Variants in SCN7A observed in about 807,000 individuals in gnomAD.
The protein encoded by SCN7A is sodium voltage-gated channel alpha subunit 7.
A neutral mutation model predicts 155.2 loss-of-function variants in SCN7A; 138 were observed. The ratio of observed to expected loss-of-function variants is 0.89; its 90% confidence interval spans 0.77 to 1.02. The LOEUF is 1.02. Ranked by LOEUF, SCN7A falls within the 50% of genes least tolerant of loss-of-function variation. The pLI is 0.00. For synonymous variants in SCN7A, 693 were observed against 649.0 expected, an observed-to-expected ratio of 1.07 and a Z score of -1.03; for missense variants, 2,058 against 1,986.6, an observed-to-expected ratio of 1.04 and a Z score of -0.68.
At chr2:166,407,192 T>A (rs1701095254) in intron 25 of SCN7A, among the ~76,000 whole-genome samples, 1 of 152,010 alleles carries the variant, frequency 6.6e-6, no homozygotes, top group African/African-American at 2.4e-5. Context: ...GTAATTTAAT[T>A]TCCTTATTTC....
intron 20 of SCN7A, among the ~76,000 whole-genome samples, chr2:166,418,482 C>T (rs558521683): frequency 3.8e-4 from 57 of 151,540 alleles, no homozygotes; most frequent in Non-Finnish European, 2.1e-4. Flanking sequence ...CTTTCACTTT[C>T]TTCCTGAGGC....
intron 2 of SCN7A, among the ~76,000 whole-genome samples, chr2:166,486,525 G>C (rs1464611677): frequency 6.6e-6 from 1 of 152,264 alleles, no homozygotes; most frequent in East Asian, 1.9e-4. Flanking sequence ...CTGGTACTGA[G>C]AGCTATAGAT....
At chr2:166,480,662 G>A (rs1037522422) in intron 2 of SCN7A, among the ~76,000 whole-genome samples, 1 of 152,046 alleles carries the variant, frequency 6.6e-6, no homozygotes, top group African/African-American at 2.4e-5. Flanking sequence ...TTAGACTTTT[G>A]TTTCCTGCCT....
rs76636889 is a variant in SCN7A at position 166,486,474 on chromosome 2, C to T, written c.-15+382G>A. ...CAGTTCCCAAGTCCTGGAGCTTCTA[C>T]GAGTACAGAGAAGATGAGAGGATGA... On this transcript the variant is annotated intron_variant, in intron 2 of 25. Coordinates refer to ENST00000643258, the MANE Select transcript of SCN7A (RefSeq NM_002976.4). Among the ~76,000 whole-genome samples, 315 of 152,246 alleles carry T rather than the reference C, an allele frequency of 2.1e-3. 1 individual carries two copies. The highest frequency in any genetic ancestry group is 7.0e-3 in the African/African-American group (289 of 41,540).
intron 21 of SCN7A, among the ~76,000 whole-genome samples, chr2:166,416,263 A>T (rs2105379452): frequency 6.6e-6 from 1 of 152,138 alleles, no homozygotes; most frequent in East Asian, 1.9e-4. Flanking sequence ...AGGAGTTCTG[A>T]TTTTGCCCTT....
chr2:166,426,170 C>A (rs1408457752), intron 18 of SCN7A, among the ~76,000 whole-genome samples: 1 of 152,032 alleles, frequency 6.6e-6, no homozygotes, highest in East Asian at 1.9e-4. Context: ...GAATATTGAT[C>A]CAAAGACGCA....
intron 14 of SCN7A, among the ~76,000 whole-genome samples, chr2:166,442,876 G>C (rs1269414698): frequency 1.3e-5 from 2 of 152,156 alleles, no homozygotes; most frequent in African/African-American, 4.8e-5. Context: ...GATTCTGAAT[G>C]AGCTGCCCTC....
At chr2:166,423,990 C>T (rs1193528572) in intron 18 of SCN7A, among the ~76,000 whole-genome samples, 2 of 152,038 alleles carry the variant, frequency 1.3e-5, no homozygotes, top group Non-Finnish European at 2.9e-5. Flanking sequence ...TATGTAAAGT[C>T]TAATCATGTC....
In SCN7A at chr2:166,417,134, G is replaced by A. The variant is rs1030141269; in HGVS notation, c.3136-149C>T. On this transcript the variant is annotated intron_variant, in intron 20 of 25. Transcript: ENST00000643258. ...CTAAAGATTTAACAGCCCACATGCT[G>A]GTACTGGAATAACCTAAATAGCAAT... 7 of 626,468 alleles carry A rather than the reference G, an allele frequency of 1.1e-5. No individual in the cohort carries two copies. In the African/African-American group the frequency reaches 1.3e-4, roughly 12 times the overall value. 38.8% of individuals were successfully genotyped at this position (626,468 alleles called of 1,614,324 possible). A position where few individuals can be genotyped will look rare whatever the true frequency, so the allele number is the denominator to read the frequency against.
Position 166,421,349 on chromosome 2 carries a change from T to C in SCN7A, c.3028-52A>G, listed in dbSNP as rs1474673059. The C allele has an allele frequency of 4.8e-6, 5 of 1,031,206 alleles. No homozygotes were observed. In the South Asian group the frequency reaches 7.6e-5, roughly 16 times the overall value. The allele number at this position is 1,031,206 out of a possible 1,614,324, so 63.9% of individuals were successfully genotyped here. Reference sequence around the variant, plus strand: ...GAATAGGATTCCATATTAATCAAAATAACATGTAAAATAAACTTTGCATTT... The same window carrying C: ...GAATAGGATTCCATATTAATCAAAACAACATGTAAAATAAACTTTGCATTT... On this transcript the variant is annotated intron_variant, in intron 19 of 25. Transcript: ENST00000643258.
intron 15 of SCN7A, among the ~76,000 whole-genome samples, chr2:166,439,587 T>C (rs1382568906): frequency 1.3e-5 from 2 of 152,222 alleles, no homozygotes; most frequent in East Asian, 1.9e-4. Context: ...CTATCTCTGA[T>C]ATTTTGAGTT....
intron 23 of SCN7A, 116 bp from the exon 24 acceptor site, chr2:166,410,440 T>A: frequency 1.5e-6 from 1 of 665,818 alleles, no homozygotes; most frequent in Non-Finnish European, 2.4e-6. Context: ...AAAAAAGGCT[T>A]AAGTGCAGTG....
Position 166,441,419 on chromosome 2 carries a change from C to A in SCN7A, c.2134G>T (p.Val712Phe). 6.3e-7 allele frequency: 1 copy of A among 1,591,094 alleles called. No individual in the cohort carries two copies. The highest frequency in any genetic ancestry group is 1.7e-4 in the Middle Eastern group (1 of 5,934). ...ACCAGTAAATTTCCAATTAAAATGACCATCAGGTAAAAAGGAATACACCAG... is the reference window on the plus strand; with the variant it reads ...ACCAGTAAATTTCCAATTAAAATGAACATCAGGTAAAAAGGAATACACCAG... Reference protein sequence around the residue: ...QSWCIPFYLMVILIGNLLVLY... With the variant: ...QSWCIPFYLMFILIGNLLVLY... Residue 712 changes from valine to phenylalanine, a missense_variant, in exon 15 of 26, where the codon GTC (valine) becomes TTC (phenylalanine). Physicochemically the swap from Val to Phe is conservative, Grantham distance 50. Coordinates refer to ENST00000643258, the MANE Select transcript of SCN7A (RefSeq NM_002976.4).
At chr2:166,458,321 T>C (rs1702328844) in intron 10 of SCN7A, among the ~76,000 whole-genome samples, 1 of 144,472 alleles carries the variant, frequency 6.9e-6, no homozygotes, top group African/African-American at 2.6e-5. Flanking sequence ...AGAGTGACCA[T>C]GTATCAAAAA....
At chr2:166,457,303 GA>G (rs1055041658) in intron 10 of SCN7A, among the ~76,000 whole-genome samples, 5 of 152,148 alleles carry the variant, frequency 3.3e-5, no homozygotes, top group Non-Finnish European at 5.9e-5. Flanking sequence ...AAAACCAAGG[GA>G]AAATTAGTAA....
At position 166,405,373 on chromosome 2, in the gene SCN7A, A is replaced by G; in HGVS notation, c.*207T>C. ...CAAATGGCCACTTTAACCCACTTTA[A>G]ACTCACTGCAGCAATATTAAGGATT... On this transcript the variant is annotated 3_prime_UTR_variant, in exon 26 of 26. Transcript: ENST00000643258. 1 of 503,370 alleles carries G rather than the reference A, an allele frequency of 2.0e-6. No individual in the cohort carries two copies. Among genetic ancestry groups the G allele is most frequent in the Non-Finnish European group, 3.4e-6 (1 of 290,108 alleles). 31.2% of individuals were successfully genotyped at this position (503,370 alleles called of 1,614,324 possible). A position where few individuals can be genotyped will look rare whatever the true frequency, so the allele number is the denominator to read the frequency against.
chr2:166,439,511 T>C (rs1487840914), intron 15 of SCN7A, among the ~76,000 whole-genome samples: 2 of 152,152 alleles, frequency 1.3e-5, no homozygotes, highest in African/African-American at 4.8e-5. Flanking sequence ...AGAATTGAGA[T>C]CTACAAAGAC....
In SCN7A at chr2:166,457,016, A is replaced by G. The variant is rs1390455516; in HGVS notation, c.1144T>C (p.Ser382Pro). 1.9e-6 allele frequency: 3 copies of G among 1,610,872 alleles called. No individual in the cohort carries two copies. Among genetic ancestry groups the G allele is most frequent in the Non-Finnish European group, 1.7e-6 (2 of 1,178,822 alleles). ...AAGAACAAACTTGCCATATAAAAGGAAAACAAAAAACTTACCACCACAAAA... is the reference window on the plus strand; with the variant it reads ...AAGAACAAACTTGCCATATAAAAGGGAAACAAAAAACTTACCACCACAAAA... ...IFFVVVSFLF[S>P]FYMASLFLGI... Residue 382 changes from serine (S) to proline (P), a missense_variant, in exon 11 of 26, where the codon TCC (serine) becomes CCC (proline). Physicochemically the swap from Ser to Pro is moderately conservative, Grantham distance 74 (BLOSUM62 -1). Transcript: ENST00000643258.
rs1402241191 is a variant in SCN7A, at chr2:166,494,175, T to G, written c.-335A>C. On this transcript the variant is annotated 5_prime_UTR_variant, in exon 1 of 26. Coordinates refer to ENST00000643258, the MANE Select transcript of SCN7A (RefSeq NM_002976.4). ...AAATGGGCCCCACTAAATGGCCAGT[T>G]AGACACCGACTCACTGGGGCGACTC... is the stretch of plus-strand genomic sequence containing the variant. 3 of 152,398 alleles carry G rather than the reference T, an allele frequency of 2.0e-5. No homozygotes were observed. Among genetic ancestry groups the G allele is most frequent in the African/African-American group, 7.2e-5 (3 of 41,388 alleles). 9.4% of individuals were successfully genotyped at this position (152,398 alleles called of 1,614,324 possible).
Sources: allele counts gnomAD v4.1 joint callset (sites outside exome capture counted in the v4.1 genomes callset), GRCh38; gene constraint gnomAD v4.1.1; transcripts MANE v1.5; gene names NCBI Gene and HGNC (gene_info 2026-07-23, HGNC 2026-07-21).